The following AKAP1 variants were observed in gnomAD, a reference collection of about 807,000 sequenced individuals.
AKAP1 encodes the protein A-kinase anchoring protein 1, also known as A-kinase anchor protein 1, mitochondrial.
AKAP1 carries 32 observed loss-of-function variants against 79.8 expected under a neutral mutation model. That is an observed-to-expected ratio of 0.40 (90% CI 0.30 to 0.54). The LOEUF (loss-of-function observed/expected upper bound fraction) is 0.54, where lower values mean the gene tolerates loss of function less well. Ranked by LOEUF, AKAP1 falls within the 20% of genes least tolerant of loss-of-function variation. The pLI, the probability that AKAP1 is intolerant of heterozygous loss-of-function variation, is 0.47. For synonymous variants in AKAP1, 416 were observed against 466.7 expected (o/e 0.89, Z 1.40); for missense variants, 961 against 1,138.9 (o/e 0.84, Z 2.25).
chr17:57,101,118 A>G (rs1192040317), intron 1 of AKAP1, among the ~76,000 whole-genome samples: 2 of 152,212 alleles, frequency 1.3e-5, no homozygotes, highest in Non-Finnish European at 2.9e-5. Context: ...CTTTTATTTG[A>G]AAGACAATTG....
At chr17:57,112,365 C>A in intron 4 of AKAP1, 126 bp from the exon 5 acceptor site, 2 of 1,175,022 alleles carry the variant, frequency 1.7e-6, no homozygotes, top group Non-Finnish European at 2.4e-6. Flanking sequence ...TGTTTTGTTA[C>A]CTCAAAGATG....
intron 1 of AKAP1, among the ~76,000 whole-genome samples, chr17:57,097,483 C>T (rs186302806): frequency 1.3e-5 from 2 of 152,190 alleles, no homozygotes; most frequent in Non-Finnish European, 1.5e-5. Flanking sequence ...TGGAATCTTG[C>T]GGAGAACTCC....
intron 4 of AKAP1, 42 bp from the exon 5 acceptor site, chr17:57,112,449 C>T (rs557747019): frequency 6.3e-7 from 1 of 1,599,354 alleles, no homozygotes; most frequent in Non-Finnish European, 8.5e-7. Flanking sequence ...TGTGAGTTTC[C>T]TCTTACAGTG....
intron 2 of AKAP1, among the ~76,000 whole-genome samples, chr17:57,108,321 C>T (rs1338618852): frequency 1.3e-5 from 2 of 152,222 alleles, no homozygotes; most frequent in East Asian, 1.9e-4. Context: ...AAAGTGCTGC[C>T]AGTCATGATT....
intron 1 of AKAP1, among the ~76,000 whole-genome samples, chr17:57,091,098 C>T (rs1266560972): frequency 6.6e-6 from 1 of 152,236 alleles, no homozygotes; most frequent in African/African-American, 2.4e-5. Context: ...GTCTTCTGTA[C>T]ACTCCTTCTT....
chr17:57,105,734 A>T lies in AKAP1; in HGVS notation c.270A>T (p.Ala90=). ...TGTCCACCGTGAGCAAGCTGCCTGC[A>T]GAGCCCCCAGCATTGCTCCAGACAC... ...KELSTVSKLP[A]EPPALLQTHP... Residue 90 remains alanine, a synonymous_variant, in exon 2 of 11, where the codon GCA becomes GCT. Transcript: ENST00000337714. The T allele has an allele frequency of 6.2e-7, 1 of 1,614,190 alleles. No individual in the cohort carries two copies. The highest frequency in any genetic ancestry group is 8.5e-7 in the Non-Finnish European group (1 of 1,180,054).
chr17:57,118,656 G>A (rs1880646292), intron 9 of AKAP1, among the ~76,000 whole-genome samples: 1 of 152,210 alleles, frequency 6.6e-6, no homozygotes, highest in Admixed American at 6.5e-5. Flanking sequence ...ATAAAGGAAA[G>A]AGGTGTAATT....
At chr17:57,119,435 C>T (rs183971655) in intron 10 of AKAP1, among the ~76,000 whole-genome samples, 11 of 152,244 alleles carry the variant, frequency 7.2e-5, no homozygotes, top group African/African-American at 2.4e-4. Flanking sequence ...CTATCCTGGC[C>T]AGGTACAGTG....
chr17:57,107,323 G>A (rs1460426244), intron 2 of AKAP1, 145 bp downstream of exon 2: 1 of 1,150,980 alleles, frequency 8.7e-7, no homozygotes, highest in Non-Finnish European at 1.2e-6. Context: ...CAGAGGTCTG[G>A]ACACGGCGTA....
At chr17:57,116,726 C>A in intron 7 of AKAP1, 134 bp from the exon 8 acceptor site, 1 of 835,734 alleles carries the variant, frequency 1.2e-6, no homozygotes, top group Non-Finnish European at 2.1e-6. Context: ...TGAGCCGTGG[C>A]CTCCTGCAAA....
At chr17:57,108,370 G>A (rs1186292556) in intron 2 of AKAP1, among the ~76,000 whole-genome samples, 5 of 152,078 alleles carry the variant, frequency 3.3e-5, no homozygotes, top group Admixed American at 3.3e-4. Context: ...CCTAATCTCG[G>A]GATGTTTAAA....
intron 1 of AKAP1, among the ~76,000 whole-genome samples, chr17:57,099,040 C>T (rs2144675113): frequency 6.6e-6 from 1 of 152,078 alleles, no homozygotes; most frequent in Non-Finnish European, 1.5e-5. Flanking sequence ...GCTGGGATTA[C>T]AGGCGTGAGC....
chr17:57,117,059 G>T, intron 8 of AKAP1, 132 bp downstream of exon 8: 1 of 943,868 alleles, frequency 1.1e-6, no homozygotes, highest in Non-Finnish European at 1.7e-6. Context: ...GTTTCTGACT[G>T]AATAGGTCTG....
chr17:57,115,978 C>A, intron 6 of AKAP1, 133 bp from the exon 7 acceptor site: 1 of 1,064,594 alleles, frequency 9.4e-7, no homozygotes, highest in Non-Finnish European at 1.3e-6. Flanking sequence ...GGGCCGGTTG[C>A]TGTTCCTGTC....
chr17:57,120,163 C>T (rs1204260530), intron 10 of AKAP1, 87 bp from the exon 11 acceptor site: 7 of 1,247,690 alleles, frequency 5.6e-6, no homozygotes, highest in Non-Finnish European at 8.0e-6. Context: ...CCTGCAGTGG[C>T]AACCGGGGAG....
At chr17:57,088,946 G>A (rs1913619719) in intron 1 of AKAP1, among the ~76,000 whole-genome samples, 1 of 152,146 alleles carries the variant, frequency 6.6e-6, no homozygotes, top group African/African-American at 2.4e-5. Context: ...GTTGCACTTG[G>A]GAGCAAAGAA....
chr17:57,118,846 A>G, intron 9 of AKAP1, 136 bp from the exon 10 acceptor site: 2 of 918,132 alleles, frequency 2.2e-6, no homozygotes, highest in Non-Finnish European at 1.7e-6. Context: ...GCATGGGCAC[A>G]CCGCCTCATG....
chr17:57,102,699 C>T (rs1188641981), intron 1 of AKAP1, among the ~76,000 whole-genome samples: 1 of 152,012 alleles, frequency 6.6e-6, no homozygotes, highest in Middle Eastern at 3.2e-3. Context: ...GTCTCAATCT[C>T]CTGACCTCGT....
intron 1 of AKAP1, among the ~76,000 whole-genome samples, chr17:57,097,686 G>T (rs1305206792): frequency 2.0e-5 from 3 of 152,220 alleles, no homozygotes; most frequent in Non-Finnish European, 4.4e-5. Context: ...CTCTGGAGGT[G>T]GAGTGTCTTG....
Sources: gnomAD v4.1 joint callset for allele counts (sites outside exome capture counted in the v4.1 genomes callset) on GRCh38, gnomAD v4.1.1 for gene constraint, MANE v1.5 for transcripts, NCBI Gene and HGNC (gene_info 2026-07-23, HGNC 2026-07-21) for gene names.